Variants in FBN1 observed in about 807,000 individuals in gnomAD.
FBN1 encodes the protein fibrillin 1.
A neutral mutation model predicts 365.1 loss-of-function variants in FBN1; 29 were observed. That is an observed-to-expected ratio of 0.08 (90% CI 0.06 to 0.11). The LOEUF is 0.11. Among genes scored for constraint, FBN1 ranks in the 10% least tolerant of loss-of-function variants. The pLI is 1.00. For synonymous variants in FBN1, 1,210 were observed against 1,270.5 expected (o/e 0.95, Z 1.01); for missense variants, 2,476 against 3,703.2 (o/e 0.67, Z 8.60).
At chr15:48,563,773 G>A (rs1477222946) in intron 6 of FBN1, among the ~76,000 whole-genome samples, 1 of 152,120 alleles carries the variant, frequency 6.6e-6, no homozygotes, top group African/African-American at 2.4e-5. Context: ...ATCCTACAAC[G>A]ATTTGTTTCC....
chr15:48,599,907 G>T (rs1257356507), intron 5 of FBN1, among the ~76,000 whole-genome samples: 1 of 152,164 alleles, frequency 6.6e-6, no homozygotes, highest in Non-Finnish European at 1.5e-5. Flanking sequence ...AGGTGGTGAA[G>T]GTAAATGAGA....
At chr15:48,446,523 G>T (rs1303028512) in intron 47 of FBN1, among the ~76,000 whole-genome samples, 183 bp downstream of exon 47, 1 of 152,184 alleles carries the variant, frequency 6.6e-6, no homozygotes, top group African/African-American at 2.4e-5. Context: ...TCACGGATAA[G>T]GGGAGACTTC....
Position 48,515,536 on chromosome 15 carries a change from A to G in FBN1, c.1328-9T>C. On this transcript the variant is annotated splice_polypyrimidine_tract_variant and intron_variant, in intron 11 of 65. Transcript: ENST00000316623. ...GTTTACTGGCAGCACCCCTAGAAGA[A>G]CATTAAGCCCCATTAAAATTATTTT... 6.2e-7 allele frequency: 1 copy of G among 1,613,846 alleles called. No homozygotes were observed.
intron 18 of FBN1, 116 bp from the exon 19 acceptor site, chr15:48,497,507 A>C: frequency 1.0e-6 from 1 of 970,330 alleles, no homozygotes; most frequent in South Asian, 1.4e-5. Context: ...GGAGGAAAAA[A>C]ATCGATTTCA....
intron 3 of FBN1, among the ~76,000 whole-genome samples, chr15:48,611,607 C>G (rs575236701): frequency 2.2e-4 from 34 of 152,074 alleles, no homozygotes; most frequent in Non-Finnish European, 3.7e-4. Flanking sequence ...TGAATTCCAT[C>G]AACAGTCTGA....
intron 14 of FBN1, among the ~76,000 whole-genome samples, chr15:48,509,577 C>T (rs1395646775): frequency 6.8e-6 from 1 of 147,318 alleles, no homozygotes; most frequent in Non-Finnish European, 1.5e-5. Context: ...AATATATATA[C>T]ACATATTACA....
intron 15 of FBN1, 25 bp downstream of exon 15, chr15:48,508,557 T>A: frequency 6.2e-7 from 1 of 1,613,546 alleles, no homozygotes; most frequent in South Asian, 1.1e-5. Flanking sequence ...GTGAAGAACA[T>A]GATCTAGGGT....
chr15:48,451,925 T>C (rs1747059094), intron 45 of FBN1, among the ~76,000 whole-genome samples: 1 of 152,216 alleles, frequency 6.6e-6, no homozygotes, highest in South Asian at 2.1e-4. Flanking sequence ...TGCTTCCTAT[T>C]TCTATCACAT....
At chr15:48,564,289 T>A (rs536232950) in intron 6 of FBN1, among the ~76,000 whole-genome samples, 1 of 152,300 alleles carries the variant, frequency 6.6e-6, no homozygotes, top group Non-Finnish European at 1.5e-5. Flanking sequence ...CTTTTTATTG[T>A]ATAGGATTAT....
At chr15:48,630,774 C>G (rs1191000760) in intron 2 of FBN1, among the ~76,000 whole-genome samples, 1 of 150,890 alleles carries the variant, frequency 6.6e-6, no homozygotes, top group African/African-American at 2.4e-5. Flanking sequence ...AAGAAAGTAC[C>G]TGGTATTCAT....
At position 48,610,929 on chromosome 15, in the gene FBN1, A is replaced by G. The variant is rs1018148; in HGVS notation, c.248-103T>C. 0.92 allele frequency: 798,370 copies of G among 872,272 alleles called. 365,817 individuals are homozygous for G. The highest frequency in any genetic ancestry group is 1 in the East Asian group (38,136 of 38,160). The allele number at this position is 872,272 out of a possible 1,614,324, so 54.0% of individuals were successfully genotyped here. ...AAACCTGGGTTCTCAGGTCCCTCAC[A>G]AACTTTGCTATCATGACTTATATGA... On this transcript the variant is annotated intron_variant, in intron 3 of 65. Coordinates refer to ENST00000316623, the MANE Select transcript of FBN1 (RefSeq NM_000138.5).
intron 63 of FBN1, among the ~76,000 whole-genome samples, chr15:48,416,279 T>A (rs878858767): frequency 6.6e-6 from 1 of 152,186 alleles, no homozygotes; most frequent in Non-Finnish European, 1.5e-5. Flanking sequence ...GTCAGCCTAT[T>A]TCAGGATATG....
chr15:48,460,641 G>GT (rs1246482878), intron 42 of FBN1, among the ~76,000 whole-genome samples: 1 of 152,104 alleles, frequency 6.6e-6, no homozygotes, highest in African/African-American at 2.4e-5. Flanking sequence ...TCAGGGACTG[G>GT]TAAGAGTGCC....
intron 2 of FBN1, among the ~76,000 whole-genome samples, chr15:48,635,532 TA>T (rs1177225831): frequency 6.6e-6 from 1 of 152,112 alleles, no homozygotes; most frequent in African/African-American, 2.4e-5. Context: ...ACCCCTAATT[TA>T]AAAAATTGAG....
At chr15:48,606,188 A>G (rs2044607565) in intron 4 of FBN1, among the ~76,000 whole-genome samples, 1 of 152,252 alleles carries the variant, frequency 6.6e-6, no homozygotes, top group Non-Finnish European at 1.5e-5. Flanking sequence ...AATGCTAAAC[A>G]TGAAACTATC....
intron 16 of FBN1, among the ~76,000 whole-genome samples, chr15:48,504,447 G>A (rs1411865571): frequency 1.3e-5 from 2 of 152,150 alleles, no homozygotes. Flanking sequence ...TGTAGATGTT[G>A]GTCAACTAAG....
At chr15:48,424,768 G>C (rs963081721) in intron 60 of FBN1, among the ~76,000 whole-genome samples, 3 of 152,162 alleles carry the variant, frequency 2.0e-5, no homozygotes, top group Non-Finnish European at 4.4e-5. Flanking sequence ...ATGTTTACAG[G>C]AGTAAAATTA....
intron 32 of FBN1, 123 bp downstream of exon 32, chr15:48,481,532 G>A: frequency 9.4e-7 from 1 of 1,063,208 alleles, no homozygotes. Context: ...AATGAAAAAT[G>A]TTATGCAAAA....
chr15:48,498,260 T>C (rs978922814), intron 18 of FBN1, among the ~76,000 whole-genome samples: 4 of 152,138 alleles, frequency 2.6e-5, no homozygotes, highest in Admixed American at 6.5e-5. Flanking sequence ...TTACCTCTCC[T>C]CTTTCCTCCT....
Sources: allele counts gnomAD v4.1 joint callset (sites outside exome capture counted in the v4.1 genomes callset), GRCh38; gene constraint gnomAD v4.1.1; transcripts MANE v1.5; gene names NCBI Gene and HGNC (gene_info 2026-07-23, HGNC 2026-07-21).